Variants in FSTL4 observed in about 807,000 individuals in gnomAD.
FSTL4 encodes the protein follistatin-related protein 4.
Under a neutral mutation model 78.2 loss-of-function variants are expected in FSTL4, and 28 were observed. The ratio of observed to expected loss-of-function variants is 0.36; its 90% CI spans 0.27 to 0.49. FSTL4 has a LOEUF of 0.49. FSTL4 is among the 20% of genes least tolerant of loss of function. FSTL4 has a pLI of 0.98. For missense variants in FSTL4, 922 were observed against 1,084.9 expected (o/e 0.85, Z 2.11); for synonymous variants, 422 against 440.5 (o/e 0.96, Z 0.53).
chr5:133,691,858 G>A, the FSTL4 span, among the ~76,000 whole-genome samples: 5 of 152,138 alleles, frequency 3.3e-5, no homozygotes, highest in Admixed American at 1.3e-4. Context: ...TGACGGCAGG[G>A]GATGGGACAC....
intron 3 of FSTL4, among the ~76,000 whole-genome samples, chr5:133,470,194 C>A (rs982015163): frequency 2.0e-5 from 3 of 152,096 alleles, no homozygotes; most frequent in African/African-American, 7.2e-5. Flanking sequence ...AGTGGACAAC[C>A]AAGAATTGCC....
At chr5:133,688,159 A>G in the FSTL4 span, among the ~76,000 whole-genome samples, 1 of 152,210 alleles carries the variant, frequency 6.6e-6, no homozygotes, top group Non-Finnish European at 1.5e-5. Flanking sequence ...CTGTAATCCC[A>G]GCACTTTGAG....
At chr5:133,359,457 C>T (rs1235356275) in intron 4 of FSTL4, among the ~76,000 whole-genome samples, 1 of 152,152 alleles carries the variant, frequency 6.6e-6, no homozygotes, top group Admixed American at 6.5e-5. Context: ...AGAGTACTTA[C>T]AAGAAGTTTT....
Position 133,399,635 on chromosome 5 carries a change from G to C in FSTL4, c.409+1103C>G, listed in dbSNP as rs961207183. The stretch of plus-strand genomic sequence containing the variant: ...GTGGGGTTCTGTGAGGGTGAGGCAG[G>C]AGCTCTGCCCCTTCCCACTTGGTGC... On this transcript the variant is annotated intron_variant, in intron 4 of 15. Transcript: ENST00000265342. 2.6e-5 allele frequency among the ~76,000 whole-genome samples: 4 copies of C among 152,336 alleles called. No homozygotes were observed. In the East Asian group the frequency reaches 7.7e-4, roughly 29 times the overall value.
At chr5:133,691,355 T>A in the FSTL4 span, among the ~76,000 whole-genome samples, 1 of 152,112 alleles carries the variant, frequency 6.6e-6, no homozygotes, top group Admixed American at 6.5e-5. Context: ...CTCCAGGGTC[T>A]GTATTCTTGG....
chr5:133,480,744 TGCTCCGGATGCTGCCACCCCA>T (rs1188028335), intron 3 of FSTL4, among the ~76,000 whole-genome samples: 1 of 152,148 alleles, frequency 6.6e-6, no homozygotes, highest in Non-Finnish European at 1.5e-5. Context: ...CTTAAACCTC[TGCTCCGGATGCTGCCACCCCA>T]GCTGAATAAC....
chr5:133,814,950 C>T, the FSTL4 span, among the ~76,000 whole-genome samples: 2,537 of 152,244 alleles, frequency 0.017, 80 homozygotes, highest in African/African-American at 0.057. Flanking sequence ...AGCTACATGG[C>T]TTGTTCCAGG....
intron 4 of FSTL4, among the ~76,000 whole-genome samples, chr5:133,388,760 T>G (rs1314453665): frequency 6.6e-6 from 1 of 152,160 alleles, no homozygotes; most frequent in African/African-American, 2.4e-5. Context: ...CCATTTGAAT[T>G]GCTCTGAGGT....
chr5:133,220,798 A>G lies in FSTL4; in HGVS notation c.1408T>C (p.Cys470Arg). The G allele has an allele frequency of 6.2e-7, 1 of 1,612,166 alleles. No homozygotes were observed. The highest frequency in any genetic ancestry group is 8.5e-7 in the Non-Finnish European group (1 of 1,178,166). Residue 470 changes from cysteine (C) to arginine (R), a missense_variant, in exon 12 of 16, where the codon TGT (cysteine) becomes CGT (arginine). By Grantham distance (180) the Cys-to-Arg change is radical. Coordinates refer to ENST00000265342, the MANE Select transcript of FSTL4 (RefSeq NM_015082.2). Reference protein sequence around the residue: ...DGIIVIHPVDCEIQRHLKPTE... With the variant: ...DGIIVIHPVDREIQRHLKPTE... ...GGTTTGAGGTGCCTCTGGATCTCAC[A>G]GTCCACAGGATGGATGACGATGATA...
chr5:133,230,727 C>T (rs1285261579), intron 8 of FSTL4, among the ~76,000 whole-genome samples: 1 of 152,198 alleles, frequency 6.6e-6, no homozygotes, highest in Admixed American at 6.5e-5. Flanking sequence ...CACTAGGCCT[C>T]TTCTCCTCCT....
At chr5:133,303,339 G>A (rs1753590340) in intron 6 of FSTL4, among the ~76,000 whole-genome samples, 1 of 152,328 alleles carries the variant, frequency 6.6e-6, no homozygotes, top group Non-Finnish European at 1.5e-5. Flanking sequence ...AATCTCAGAT[G>A]GGGCACTGGC....
chr5:133,383,710 A>T (rs1012411284), intron 4 of FSTL4, among the ~76,000 whole-genome samples: 1 of 152,180 alleles, frequency 6.6e-6, no homozygotes, highest in Non-Finnish European at 1.5e-5. Flanking sequence ...GATTTCCAGG[A>T]GTAACTAGGC....
intron 2 of FSTL4, among the ~76,000 whole-genome samples, chr5:133,598,998 C>T (rs1005842051): frequency 3.3e-5 from 5 of 152,122 alleles, no homozygotes; most frequent in Non-Finnish European, 5.9e-5. Context: ...CAAACACCAA[C>T]GGGCAGATCT....
intron 4 of FSTL4, among the ~76,000 whole-genome samples, chr5:133,381,956 C>T (rs1580664563): frequency 1.3e-5 from 2 of 152,372 alleles, no homozygotes; most frequent in South Asian, 4.1e-4. Context: ...GTGTGACTTA[C>T]TTTTCCAAGG....
At chr5:133,570,720 G>C (rs1255348487) in intron 2 of FSTL4, among the ~76,000 whole-genome samples, 1 of 151,926 alleles carries the variant, frequency 6.6e-6, no homozygotes, top group Non-Finnish European at 1.5e-5. Context: ...TATAAAAGTG[G>C]AATTAAAAAA....
chr5:133,504,107 C>G (rs923271611), intron 3 of FSTL4, among the ~76,000 whole-genome samples: 1 of 152,118 alleles, frequency 6.6e-6, no homozygotes, highest in Non-Finnish European at 1.5e-5. Flanking sequence ...CATCGGGTCC[C>G]TCCTACCACA....
At chr5:133,596,004 G>A (rs1054904928) in intron 2 of FSTL4, among the ~76,000 whole-genome samples, 1 of 152,194 alleles carries the variant, frequency 6.6e-6, no homozygotes, top group Non-Finnish European at 1.5e-5. Flanking sequence ...CCAATTGTGG[G>A]GTTTTAAAAC....
intron 2 of FSTL4, among the ~76,000 whole-genome samples, chr5:133,594,628 G>T (rs1471289355): frequency 1.3e-5 from 2 of 152,180 alleles, no homozygotes; most frequent in African/African-American, 2.4e-5. Context: ...TGCCTGGCAG[G>T]CCTCTCCCGT....
At chr5:133,691,680 G>A in the FSTL4 span, among the ~76,000 whole-genome samples, 1 of 151,988 alleles carries the variant, frequency 6.6e-6, no homozygotes. Context: ...GGTGAATGGA[G>A]GGAGGGTTAC....
Sources: gnomAD v4.1 joint callset for allele counts (sites outside exome capture counted in the v4.1 genomes callset) on GRCh38, gnomAD v4.1.1 for gene constraint, MANE v1.5 for transcripts, NCBI Gene and HGNC (gene_info 2026-07-23, HGNC 2026-07-21) for gene names.